OTOGL: variants seen among roughly 807,000 people sequenced by gnomAD.
The protein encoded by OTOGL is otogelin like.
In OTOGL, 285 loss-of-function variants were observed where a neutral mutation model predicts 318.5. That is an observed-to-expected ratio of 0.89 (90% CI 0.81 to 0.99). The LOEUF is 0.99. OTOGL is among the 50% of genes least tolerant of loss of function. The pLI is 0.00. For synonymous variants in OTOGL, 987 were observed against 936.5 expected (o/e 1.05, Z -0.99); for missense variants, 2,899 against 2,845.6 (o/e 1.02, Z -0.43).
At chr12:80,306,624 G>A (rs1284901074) in intron 29 of OTOGL, among the ~76,000 whole-genome samples, 7 of 151,984 alleles carry the variant, frequency 4.6e-5, no homozygotes, top group Non-Finnish European at 7.4e-5. Flanking sequence ...GTATGAAAGT[G>A]TACCTTTTAA....
chr12:80,220,262 C>T (rs929204655), intron 6 of OTOGL, among the ~76,000 whole-genome samples: 8 of 152,072 alleles, frequency 5.3e-5, no homozygotes, highest in South Asian at 2.1e-4. Flanking sequence ...CAACCTCAAG[C>T]GATTCTCCCA....
intron 1 of OTOGL, chr12:80,102,810 A>G (rs1411401176): frequency 4.7e-6 from 3 of 634,588 alleles, no homozygotes; most frequent in Middle Eastern, 4.3e-4. Context: ...GTCTCTTACC[A>G]ACTCTTTACT....
intron 57 of OTOGL, among the ~76,000 whole-genome samples, chr12:80,373,911 T>C (rs760509617): frequency 6.6e-6 from 1 of 152,126 alleles, no homozygotes; most frequent in African/African-American, 2.4e-5. Flanking sequence ...GGCTGAATGA[T>C]AAGCTCTGCT....
At chr12:80,117,553 G>A (rs1870242303) in intron 1 of OTOGL, among the ~76,000 whole-genome samples, 2 of 152,108 alleles carry the variant, frequency 1.3e-5, no homozygotes, top group Admixed American at 6.5e-5. Flanking sequence ...GCCACCTGAT[G>A]TTTTCCGTAC....
intron 34 of OTOGL, among the ~76,000 whole-genome samples, chr12:80,322,772 T>C (rs1156783299): frequency 6.6e-6 from 1 of 152,164 alleles, no homozygotes; most frequent in Admixed American, 6.5e-5. Flanking sequence ...ATTTTTCAAA[T>C]CCGCCCATAT....
chr12:80,299,391 G>T (rs1243403568), intron 27 of OTOGL, among the ~76,000 whole-genome samples: 4 of 152,170 alleles, frequency 2.6e-5, no homozygotes, highest in African/African-American at 9.7e-5. Flanking sequence ...CATCTTTGAA[G>T]TGGTGATTGC....
chr12:80,307,762 C>T lies in OTOGL; in HGVS notation c.3333+2067C>T, dbSNP rs867148469. ...GGGGCAGACCCCGCCACCTCCCTCC[C>T]GGACGGGGTGGCTGGCCGGGCAGAG... On this transcript the variant is annotated intron_variant, in intron 29 of 58. Transcript: ENST00000547103. Among the ~76,000 whole-genome samples, 479 of 133,396 alleles carry T rather than the reference C, an allele frequency of 3.6e-3. 2 individuals carry two copies. The highest frequency in any genetic ancestry group is 0.012 in the African/African-American group (435 of 35,622). 87.5% of individuals were successfully genotyped at this position (133,396 alleles called of 152,430 possible).
intron 14 of OTOGL, among the ~76,000 whole-genome samples, 186 bp from the exon 15 acceptor site, chr12:80,254,338 A>G (rs1881829802): frequency 6.7e-6 from 1 of 148,828 alleles, no homozygotes; most frequent in Non-Finnish European, 1.5e-5. Flanking sequence ...TTATGCAGAG[A>G]TGATTTTTTT....
At chr12:80,235,960 A>G (rs1879810782) in intron 9 of OTOGL, among the ~76,000 whole-genome samples, 2 of 152,222 alleles carry the variant, frequency 1.3e-5, no homozygotes, top group Admixed American at 6.5e-5. Flanking sequence ...TATTACCTTT[A>G]GCTTTAAGAA....
At chr12:80,347,661 TG>T (rs1889281718) in intron 44 of OTOGL, among the ~76,000 whole-genome samples, 1 of 152,184 alleles carries the variant, frequency 6.6e-6, no homozygotes, top group African/African-American at 2.4e-5. Context: ...CTGGGTCAAA[TG>T]GTATTTCTGG....
In OTOGL at chr12:80,256,209, C is replaced by G. The variant is rs17307832; in HGVS notation, c.1588-128C>G. The G allele has an allele frequency of 0.09, 100,553 of 1,120,012 alleles. 5,186 individuals are homozygous for G. Among genetic ancestry groups the G allele is most frequent in the African/African-American group, 0.15 (9,351 of 63,348 alleles). 69.4% of individuals were successfully genotyped at this position (1,120,012 alleles called of 1,614,324 possible). A position where few individuals can be genotyped will look rare whatever the true frequency, so the allele number is the denominator to read the frequency against. On this transcript the variant is annotated intron_variant, in intron 16 of 58. Transcript: ENST00000547103. ...TTAGAAATTCTAATTTATATGCACTCTCTTTCTTTTTTGTTCTCTCCTCTC... is the reference window on the plus strand; with the variant it reads ...TTAGAAATTCTAATTTATATGCACTGTCTTTCTTTTTTGTTCTCTCCTCTC...
chr12:80,260,677 G>A (rs1297078496), intron 18 of OTOGL, among the ~76,000 whole-genome samples: 1 of 152,132 alleles, frequency 6.6e-6, no homozygotes, highest in African/African-American at 2.4e-5. Flanking sequence ...ACTATGGTGA[G>A]CTGAAACGTT....
At chr12:80,212,995 G>A (rs1877389296) in intron 4 of OTOGL, among the ~76,000 whole-genome samples, 1 of 152,068 alleles carries the variant, frequency 6.6e-6, no homozygotes, top group African/African-American at 2.4e-5. Flanking sequence ...AAGAATTTGG[G>A]GCAAGTCCAC....
At chr12:80,138,452 C>T (rs117123115) in intron 1 of OTOGL, among the ~76,000 whole-genome samples, 2,008 of 152,174 alleles carry the variant, frequency 0.013, 21 homozygotes, top group Non-Finnish European at 0.021. Flanking sequence ...ACTCTTCTTC[C>T]TCTGTCATAT....
chr12:80,267,407 A>T lies in OTOGL; in HGVS notation c.2465+80A>T, dbSNP rs9783515. On this transcript the variant is annotated intron_variant, in intron 22 of 58. Transcript: ENST00000547103. Reference sequence around the variant, plus strand: ...TTCTTTCTTTTATATATATATATATATTTTTTTATTATACTTTAAGTTCTA... The same window carrying T: ...TTCTTTCTTTTATATATATATATATTTTTTTTTATTATACTTTAAGTTCTA... The T allele has an allele frequency of 0.035, 22,255 of 626,996 alleles. 3,177 individuals carry two copies. The highest frequency in any genetic ancestry group is 0.35 in the African/African-American group (17,710 of 50,348). The allele number at this position is 626,996 out of a possible 1,614,324, so 38.8% of individuals were successfully genotyped here. A position where few individuals can be genotyped will look rare whatever the true frequency, so the allele number is the denominator to read the frequency against.
chr12:80,264,948 T>A, intron 19 of OTOGL, 53 bp from the exon 20 acceptor site: 1 of 1,543,048 alleles, frequency 6.5e-7, no homozygotes, highest in Non-Finnish European at 9.0e-7. Flanking sequence ...CTTGGATAAT[T>A]CTGGGGTAAG....
At chr12:80,211,913 C>A in intron 3 of OTOGL, 36 bp from the exon 4 acceptor site, 1 of 1,515,940 alleles carries the variant, frequency 6.6e-7, no homozygotes, top group Non-Finnish European at 8.9e-7. Context: ...TGCCTAGGGG[C>A]CTTTGACTGT....
intron 26 of OTOGL, among the ~76,000 whole-genome samples, chr12:80,290,457 C>A (rs1884971094): frequency 6.6e-6 from 1 of 151,958 alleles, no homozygotes; most frequent in South Asian, 2.1e-4. Flanking sequence ...CTTTCTTTAA[C>A]AACCTGATTT....
intron 38 of OTOGL, among the ~76,000 whole-genome samples, chr12:80,335,146 A>G (rs1461010199): frequency 6.6e-6 from 1 of 152,130 alleles, no homozygotes; most frequent in Non-Finnish European, 1.5e-5. Flanking sequence ...GTTAATTTTT[A>G]TTCTGAAATC....
Sources: allele counts gnomAD v4.1 joint callset (sites outside exome capture counted in the v4.1 genomes callset), GRCh38; gene constraint gnomAD v4.1.1; transcripts MANE v1.5; gene names NCBI Gene and HGNC (gene_info 2026-07-23, HGNC 2026-07-21).